The following ERG variants were observed in gnomAD, a reference collection of about 807,000 sequenced individuals.
ERG encodes ETS transcription factor ERG.
Under a neutral mutation model 55.3 loss-of-function variants are expected in ERG, and 9 were observed. The ratio of observed to expected loss-of-function variants is 0.16; its 90% CI spans 0.10 to 0.28. The LOEUF (loss-of-function observed/expected upper bound fraction) is 0.28, where lower values mean the gene tolerates loss of function less well. ERG is among the 10% of genes least tolerant of loss of function. The pLI is 1.00. For synonymous variants in ERG, 223 were observed against 237.3 expected (o/e 0.94, Z 0.55); for missense variants, 434 against 631.6 (o/e 0.69, Z 3.35).
At chr21:38,592,940 G>T (rs1345224313) in intron 1 of ERG, among the ~76,000 whole-genome samples, 1 of 152,116 alleles carries the variant, frequency 6.6e-6, no homozygotes, top group Non-Finnish European at 1.5e-5. Context: ...TTTCTCCCCA[G>T]TGCGTCTTCC....
upstream of ERG, chr21:38,498,488 T>G (rs2059397770): frequency 6.7e-7 from 1 of 1,497,500 alleles, no homozygotes; most frequent in South Asian, 1.4e-5. The surrounding 1 kb of genome is among the most constrained non-coding windows in gnomAD (Gnocchi z 4.6). Flanking sequence ...GAGATTGTGC[T>G]AAGTCTGGGA....
At chr21:38,387,407 G>C (rs1036163242) in intron 9 of ERG, among the ~76,000 whole-genome samples, 2 of 152,238 alleles carry the variant, frequency 1.3e-5, no homozygotes, top group African/African-American at 4.8e-5. Flanking sequence ...CTTACTGGAG[G>C]GGCAGGAAAG....
intron 2 of ERG, among the ~76,000 whole-genome samples, chr21:38,426,879 A>G (rs7280976): frequency 0.95 from 143,727 of 151,620 alleles, 68,156 homozygotes; most frequent in East Asian, 0.99. Context: ...GCGGTGAGCC[A>G]AGACCACGCC....
intron 1 of ERG, among the ~76,000 whole-genome samples, chr21:38,583,352 G>A (rs920530610): frequency 1.3e-5 from 2 of 152,192 alleles, no homozygotes; most frequent in Non-Finnish European, 2.9e-5. Context: ...TGCAGGATCA[G>A]TACCTAAAGG....
chr21:38,648,292 G>GC (rs2060468890), intron 1 of ERG, among the ~76,000 whole-genome samples: 1 of 152,178 alleles, frequency 6.6e-6, no homozygotes, highest in Non-Finnish European at 1.5e-5. Context: ...TGGAGAAGTA[G>GC]CCTGTATTTC....
At chr21:38,567,668 T>C (rs1248660352) in intron 2 of ERG, among the ~76,000 whole-genome samples, 1 of 152,202 alleles carries the variant, frequency 6.6e-6, no homozygotes, top group Non-Finnish European at 1.5e-5. Context: ...TAAATCAGAT[T>C]TGCAAACTGT....
intron 1 of ERG, among the ~76,000 whole-genome samples, chr21:38,480,591 CTTTTTT>C (rs544037525): frequency 2.5e-4 from 13 of 51,108 alleles, no homozygotes; most frequent in East Asian, 1.1e-3. Flanking sequence ...ACTATATGGC[CTTTTTT>C]TTTTTTTTTT....
At chr21:38,655,048 T>G (rs183488859) in intron 1 of ERG, among the ~76,000 whole-genome samples, 2 of 152,340 alleles carry the variant, frequency 1.3e-5, no homozygotes, top group Admixed American at 1.3e-4. Flanking sequence ...AGTTTTATGT[T>G]GAGATTGTAA....
At chr21:38,497,770 G>T (rs1331937438) in intron 1 of ERG, among the ~76,000 whole-genome samples, 3 of 152,132 alleles carry the variant, frequency 2.0e-5, no homozygotes, top group Non-Finnish European at 2.9e-5. Flanking sequence ...TTTTATTGAA[G>T]ATAAACATAT....
chr21:38,648,059 T>C (rs150847805), intron 1 of ERG, among the ~76,000 whole-genome samples: 81 of 152,350 alleles, frequency 5.3e-4, no homozygotes, highest in African/African-American at 1.7e-3. Flanking sequence ...CCATTACAAA[T>C]AGGCTTGTGC....
At chr21:38,432,653 TG>T (rs1380574772) in intron 2 of ERG, among the ~76,000 whole-genome samples, 1 of 152,220 alleles carries the variant, frequency 6.6e-6, no homozygotes, top group Non-Finnish European at 1.5e-5. Flanking sequence ...CAGCTATTGC[TG>T]TTAGTTCATT....
intron 1 of ERG, among the ~76,000 whole-genome samples, chr21:38,477,052 G>T (rs187141753): frequency 8.9e-6 from 1 of 112,410 alleles, no homozygotes; most frequent in Non-Finnish European, 1.6e-5. Context: ...TCACTCTGTC[G>T]CCCAGGCTGG....
rs192831955 is a variant in ERG at position 38,449,417 on chromosome 21, C to T, written c.19-3796G>A. On this transcript the variant is annotated intron_variant, in intron 1 of 9. Coordinates refer to ENST00000288319, the MANE Select transcript of ERG (RefSeq NM_182918.4). Reference sequence around the variant, plus strand: ...GTTAGTACTGTAGTATTGATTATTTCATTTCAATACGGAATATACCAATAA... The same window carrying T: ...GTTAGTACTGTAGTATTGATTATTTTATTTCAATACGGAATATACCAATAA... 2.1e-3 allele frequency among the ~76,000 whole-genome samples: 317 copies of T among 152,304 alleles called. 2 individuals are homozygous for T. Among genetic ancestry groups the T allele is most frequent in the Non-Finnish European group, 3.5e-3 (238 of 68,020 alleles).
the ERG span, among the ~76,000 whole-genome samples, chr21:38,367,857 A>G: frequency 1.3e-5 from 2 of 152,166 alleles, no homozygotes; most frequent in South Asian, 2.1e-4. Flanking sequence ...CCAGGAGGAC[A>G]TGAAACATCC....
chr21:38,524,998 G>C (rs779252308), intron 2 of ERG, among the ~76,000 whole-genome samples: 1 of 152,158 alleles, frequency 6.6e-6, no homozygotes, highest in Non-Finnish European at 1.5e-5. Flanking sequence ...ACCAACAGTC[G>C]CAAATTGAGA....
At chr21:38,519,773 A>G (rs2059580138) in intron 2 of ERG, among the ~76,000 whole-genome samples, 1 of 152,208 alleles carries the variant, frequency 6.6e-6, no homozygotes, top group Admixed American at 6.5e-5. Flanking sequence ...AGTCACCTAC[A>G]AGAATGTCCA....
At chr21:38,626,696 TG>T (rs2146951094) in intron 1 of ERG, among the ~76,000 whole-genome samples, 1 of 152,374 alleles carries the variant, frequency 6.6e-6, no homozygotes, top group African/African-American at 2.4e-5. Flanking sequence ...TAAATGTTTA[TG>T]GCTTTTTAAA....
chr21:38,403,442 C>T, intron 4 of ERG, 64 bp downstream of exon 4: 1 of 1,534,482 alleles, frequency 6.5e-7, no homozygotes, highest in Admixed American at 1.7e-5. Flanking sequence ...GTTGAACCCT[C>T]TGAAGCTCAG....
chr21:38,581,770 G>A (rs779421926), intron 1 of ERG, among the ~76,000 whole-genome samples: 7 of 152,158 alleles, frequency 4.6e-5, no homozygotes, highest in Non-Finnish European at 8.8e-5. Context: ...GCGGCCAGGC[G>A]CGGTGGCTCA....
Sources: allele counts gnomAD v4.1 joint callset (sites outside exome capture counted in the v4.1 genomes callset), GRCh38; gene constraint gnomAD v4.1.1; non-coding constraint Gnocchi (gnomAD v3.1); transcripts MANE v1.5; gene names NCBI Gene and HGNC (gene_info 2026-07-23, HGNC 2026-07-21).